Variants in UBE4B observed in about 807,000 individuals in gnomAD.
UBE4B encodes ubiquitination factor E4B.
A neutral mutation model predicts 148.1 loss-of-function variants in UBE4B; 27 were observed. The observed-to-expected ratio is 0.18, with a 90% CI of 0.13 to 0.25. UBE4B has a LOEUF of 0.25. Ranked by LOEUF, UBE4B falls within the 10% of genes least tolerant of loss-of-function variation. UBE4B has a pLI of 1.00. For synonymous variants in UBE4B, 596 were observed against 619.3 expected, an observed-to-expected ratio of 0.96 and a Z score of 0.56; for missense variants, 1,170 against 1,662.4, an observed-to-expected ratio of 0.70 and a Z score of 5.15.
intron 11 of UBE4B, among the ~76,000 whole-genome samples, chr1:10,127,769 A>T (rs763364642): frequency 2.0e-5 from 3 of 152,238 alleles, no homozygotes; most frequent in Non-Finnish European, 4.4e-5. Flanking sequence ...GAAGCTAGGA[A>T]GACAAGGTCC....
intron 1 of UBE4B, among the ~76,000 whole-genome samples, chr1:10,060,245 G>T (rs1182222873): frequency 6.6e-6 from 1 of 152,088 alleles, no homozygotes. Flanking sequence ...AACTTAGATG[G>T]CATAGCCTAT....
chr1:10,144,978 A>G lies in UBE4B; in HGVS notation c.2402A>G (p.Lys801Arg), dbSNP rs1177145651. 1 of 1,613,792 alleles carries G rather than the reference A, an allele frequency of 6.2e-7. No individual in the cohort carries two copies. Among genetic ancestry groups the G allele is most frequent in the East Asian group, 2.2e-5 (1 of 44,878 alleles). ...TTGAAAAATAATGAAAGCCAATGGAAAGATTCCCCACTGGCAACTAGACAC... is the reference window on the plus strand; with the variant it reads ...TTGAAAAATAATGAAAGCCAATGGAGAGATTCCCCACTGGCAACTAGACAC... ...EDLKNNESQWKDSPLATRHRE... is the reference protein window; with the variant it reads ...EDLKNNESQWRDSPLATRHRE... The change falls in exon 18 of 28, where the codon AAA becomes AGA. Residue 801 changes from lysine (K) to arginine (R), a missense_variant. Lys to Arg is a conservative substitution (Grantham distance 26). Coordinates refer to ENST00000343090, the MANE Select transcript of UBE4B (RefSeq NM_001105562.3).
intron 1 of UBE4B, among the ~76,000 whole-genome samples, chr1:10,058,344 C>T (rs1205010707): frequency 1.3e-5 from 2 of 152,286 alleles, no homozygotes; most frequent in African/African-American, 2.4e-5. Context: ...ATTCTACCCC[C>T]GTCTGTTTCC....
intron 2 of UBE4B, among the ~76,000 whole-genome samples, chr1:10,093,521 A>G (rs891391926): frequency 1.3e-5 from 2 of 152,148 alleles, no homozygotes; most frequent in African/African-American, 4.8e-5. Context: ...ACATGTGAAG[A>G]ACTGCTTTCA....
chr1:10,163,128 A>C (rs1484549342), intron 23 of UBE4B: 1 of 152,126 alleles, frequency 6.6e-6, no homozygotes, highest in Non-Finnish European at 1.5e-5. Flanking sequence ...GCAGGATCAT[A>C]GCACACCACA....
At chr1:10,073,645 G>A (rs1216043257) in intron 2 of UBE4B, among the ~76,000 whole-genome samples, 7 of 152,054 alleles carry the variant, frequency 4.6e-5, no homozygotes, top group African/African-American at 1.4e-4. Context: ...GCTTAAACCC[G>A]GGAGGTGGAG....
intron 19 of UBE4B, among the ~76,000 whole-genome samples, chr1:10,148,631 CAAA>C (rs565261261): frequency 2.3e-5 from 2 of 87,258 alleles, no homozygotes. Context: ...GACTCTGTCT[CAAA>C]AAAAAAAAAA....
intron 16 of UBE4B, among the ~76,000 whole-genome samples, chr1:10,136,014 ATTAT>A (rs1645676677): frequency 6.6e-6 from 1 of 152,150 alleles, no homozygotes. Flanking sequence ...CAGTAGTAAC[ATTAT>A]TTATAATAGA....
At chr1:10,065,353 G>C (rs548881684) in intron 1 of UBE4B, among the ~76,000 whole-genome samples, 26 of 152,238 alleles carry the variant, frequency 1.7e-4, no homozygotes, top group African/African-American at 5.5e-4. Flanking sequence ...AGGAGCATGC[G>C]GGGGAGGAAG....
chr1:10,093,875 A>G lies in UBE4B; in HGVS notation c.212-1586A>G, dbSNP rs187058781. ...ACGCCCAGCTAATTTTTGTATTTTA[A>G]CTAGAAACAGGGTTTCACCACATTG... On this transcript the variant is annotated intron_variant, in intron 2 of 27. Coordinates refer to ENST00000343090, the MANE Select transcript of UBE4B (RefSeq NM_001105562.3). 7.2e-5 allele frequency among the ~76,000 whole-genome samples: 11 copies of G among 151,776 alleles called. No individual in the cohort carries two copies. The East Asian group carries it at 2.1e-3, about 29-fold the overall frequency.
intron 2 of UBE4B, among the ~76,000 whole-genome samples, chr1:10,080,121 T>C (rs1161713460): frequency 6.6e-6 from 1 of 152,122 alleles, no homozygotes; most frequent in African/African-American, 2.4e-5. Flanking sequence ...CAGGCATTTA[T>C]CTGATTGAAA....
At position 10,106,229 on chromosome 1, in the gene UBE4B, G is replaced by A; in HGVS notation, c.842G>A (p.Ser281Asn). ...GAAAGTAGTCCGGCTCCCACTCCCA[G>A]TTTCTGGAGCTCTGTTCCCGTGATG... ...LYESSPAPTP[S>N]FWSSVPVMGP... The change falls in exon 7 of 28, where the codon AGT (serine) becomes AAT (asparagine). Residue 281 changes from serine to asparagine, a missense_variant. Around this residue, in one of 6 missense-constraint regions of UBE4B, gnomAD observed 214 missense variants for 209.1 expected, o/e 1.02. Transcript: ENST00000343090. The surrounding 1 kb of genome is among the most constrained non-coding windows in gnomAD (Gnocchi z 4.2). 6.2e-7 allele frequency: 1 copy of A among 1,608,748 alleles called. No homozygotes were observed. Among genetic ancestry groups the A allele is most frequent in the Non-Finnish European group, 8.5e-7 (1 of 1,175,920 alleles).
chr1:10,163,362 A>T (rs1646197274), intron 23 of UBE4B: 1 of 152,310 alleles, frequency 6.6e-6, no homozygotes, highest in East Asian at 1.9e-4. Context: ...TTCATAAAGC[A>T]TTCCATCCTT....
chr1:10,109,208 G>C (rs1162761886), intron 7 of UBE4B, among the ~76,000 whole-genome samples: 3 of 152,084 alleles, frequency 2.0e-5, no homozygotes, highest in East Asian at 1.9e-4. Flanking sequence ...GGGGGAACGG[G>C]GGGGCCGGGG....
In UBE4B at chr1:10,106,685, G is replaced by A. The variant is rs1460743837; in HGVS notation, c.1196+102G>A. The A allele has an allele frequency of 7.1e-7, 1 of 1,405,818 alleles. No individual in the cohort carries two copies. The highest frequency in any genetic ancestry group is 3.0e-5 in the Admixed American group (1 of 33,332). 87.1% of individuals were successfully genotyped at this position (1,405,818 alleles called of 1,614,324 possible). A position where few individuals can be genotyped will look rare whatever the true frequency, so the allele number is the denominator to read the frequency against. ...TGTGTGACACTGACTCTGTTAAATT[G>A]TTGTTTTGGGTTATTAACCTGTGTG... On this transcript the variant is annotated intron_variant, in intron 7 of 27. Transcript: ENST00000343090. This position sits in a 1 kb window ranked among gnomAD's most constrained non-coding sequence, Gnocchi z 4.2.
intron 17 of UBE4B, among the ~76,000 whole-genome samples, chr1:10,144,394 G>C (rs796846118): frequency 3.9e-5 from 6 of 152,112 alleles, no homozygotes; most frequent in African/African-American, 1.4e-4. Flanking sequence ...CACCAAATCT[G>C]TAGTGCCATC....
intron 5 of UBE4B, 175 bp downstream of exon 5, chr1:10,103,267 T>C: frequency 1.9e-6 from 1 of 521,562 alleles, no homozygotes; most frequent in Non-Finnish European, 3.3e-6. Flanking sequence ...CCCTTTCCAC[T>C]GATCTTATCG....
At position 10,101,188 on chromosome 1, in the gene UBE4B, G is replaced by C. The variant is rs1397712772; in HGVS notation, c.428G>C (p.Ser143Thr). 1 of 1,614,020 alleles carries C rather than the reference G, an allele frequency of 6.2e-7. No individual in the cohort carries two copies. Among genetic ancestry groups the C allele is most frequent in the East Asian group, 2.2e-5 (1 of 44,888 alleles). Residue 143 changes from serine (S) to threonine (T), a missense_variant, in exon 4 of 28, where the codon AGT becomes ACT. Physicochemically the swap from Ser to Thr is moderately conservative, Grantham distance 58. Transcript: ENST00000343090. Reference sequence around the variant, plus strand: ...GATCGAAGAGAAAAGCGGAGCCTCAGTGATAAGGTTGGTAAGCGATGAAGC... The same window carrying C: ...GATCGAAGAGAAAAGCGGAGCCTCACTGATAAGGTTGGTAAGCGATGAAGC... ...ENDRREKRSL[S>T]DKEPSSGPEV...
intron 11 of UBE4B, chr1:10,129,102 T>C (rs967467780): frequency 5.8e-6 from 2 of 345,614 alleles, no homozygotes; most frequent in Non-Finnish European, 1.1e-5. Context: ...CACAAAAATA[T>C]ATCTGAAAAC....
Sources: gnomAD v4.1 joint callset for allele counts (sites outside exome capture counted in the v4.1 genomes callset) on GRCh38, gnomAD v4.1.1 for gene constraint, gnomAD v4.1.1 regional missense constraint, Gnocchi (gnomAD v3.1) non-coding constraint, MANE v1.5 for transcripts, NCBI Gene and HGNC (gene_info 2026-07-23, HGNC 2026-07-21) for gene names.